Variants in ST7 observed in about 807,000 individuals in gnomAD.
ST7 encodes suppressor of tumorigenicity 7 protein.
A neutral mutation model predicts 78.7 loss-of-function variants in ST7; 28 were observed. The observed-to-expected ratio is 0.36, with a 90% CI of 0.26 to 0.49. The LOEUF (loss-of-function observed/expected upper bound fraction) is 0.49. ST7 is among the 20% of genes least tolerant of loss of function. The pLI is 0.99. For missense variants in ST7, 418 were observed against 696.0 expected (o/e 0.60, Z 4.49); for synonymous variants, 247 against 249.6 (o/e 0.99, Z 0.10).
chr7:117,184,702 G>A (rs1809084152), intron 10 of ST7, among the ~76,000 whole-genome samples: 1 of 152,172 alleles, frequency 6.6e-6, no homozygotes, highest in African/African-American at 2.4e-5. Flanking sequence ...ATATCTTGGT[G>A]TGTTTACATG....
At chr7:117,008,929 TG>T (rs1350649210) in intron 1 of ST7, among the ~76,000 whole-genome samples, 1 of 152,178 alleles carries the variant, frequency 6.6e-6, no homozygotes, top group East Asian at 1.9e-4. Context: ...GAATACGTCA[TG>T]ATATGTGAAC....
At chr7:117,228,999 T>A (rs1370157971) in intron 15 of ST7, among the ~76,000 whole-genome samples, 1 of 152,200 alleles carries the variant, frequency 6.6e-6, no homozygotes, top group Non-Finnish European at 1.5e-5. Flanking sequence ...AACTGATTCT[T>A]CACAAGAACA....
intron 1 of ST7, among the ~76,000 whole-genome samples, chr7:116,960,576 C>T (rs2116160294): frequency 6.6e-6 from 1 of 152,302 alleles, no homozygotes; most frequent in South Asian, 2.1e-4. Context: ...GAAAAATTTC[C>T]CAACCAAATC....
rs80169857 is a variant in ST7 at position 117,099,650 on chromosome 7, A to G, written c.152-112A>G. The G allele has an allele frequency of 4.4e-3, 3,210 of 725,488 alleles. 97 individuals carry two copies. The African/African-American group carries it at 0.053, about 12-fold the overall frequency. The allele number at this position is 725,488 out of a possible 1,614,324, so 44.9% of individuals were successfully genotyped here. A position where few individuals can be genotyped will look rare whatever the true frequency, so the allele number is the denominator to read the frequency against. ...GGATCTTACTATGGTTCTAAGAATT[A>G]TCATCATCAGAAATAAATGATTTTA... On this transcript the variant is annotated intron_variant, in intron 1 of 15. Transcript: ENST00000323984.
intron 1 of ST7, among the ~76,000 whole-genome samples, chr7:117,046,132 A>T (rs1563039105): frequency 1.3e-5 from 2 of 152,192 alleles, no homozygotes; most frequent in Non-Finnish European, 2.9e-5. Flanking sequence ...GGTATAAGGA[A>T]GAGTCAGACC....
intron 15 of ST7, among the ~76,000 whole-genome samples, chr7:117,226,601 A>G (rs1320639295): frequency 6.6e-6 from 1 of 152,218 alleles, no homozygotes; most frequent in Non-Finnish European, 1.5e-5. Context: ...ACCTCCAGAC[A>G]TTTTTTAAAA....
At chr7:117,221,378 A>C (rs886103875) in intron 14 of ST7, among the ~76,000 whole-genome samples, 1 of 152,128 alleles carries the variant, frequency 6.6e-6, no homozygotes, top group East Asian at 1.9e-4. Context: ...CTTGCTGGAT[A>C]TCTCTCTATG....
At chr7:116,961,293 A>G (rs763671394) in intron 1 of ST7, among the ~76,000 whole-genome samples, 2 of 152,048 alleles carry the variant, frequency 1.3e-5, no homozygotes, top group Admixed American at 6.6e-5. Flanking sequence ...TGCTTTGGCT[A>G]TTTGGGCTAT....
At chr7:117,198,127 A>G (rs1434523123) in intron 12 of ST7, among the ~76,000 whole-genome samples, 1 of 152,272 alleles carries the variant, frequency 6.6e-6, no homozygotes, top group Non-Finnish European at 1.5e-5. Flanking sequence ...GGAATAAAGT[A>G]TGGGAGGAGG....
intron 1 of ST7, among the ~76,000 whole-genome samples, chr7:117,058,701 A>G (rs1798191840): frequency 6.6e-6 from 1 of 152,148 alleles, no homozygotes; most frequent in Non-Finnish European, 1.5e-5. Context: ...TTCAACAACT[A>G]CTGTGTGATG....
intron 10 of ST7, among the ~76,000 whole-genome samples, chr7:117,179,318 C>T (rs1029041012): frequency 2.0e-5 from 3 of 152,206 alleles, no homozygotes; most frequent in Admixed American, 1.3e-4. Context: ...AAACACTGAG[C>T]GCCAACTATA....
At chr7:116,962,479 T>C (rs1017537397) in intron 1 of ST7, among the ~76,000 whole-genome samples, 1 of 152,200 alleles carries the variant, frequency 6.6e-6, no homozygotes. Flanking sequence ...TAATCACCAT[T>C]CTGACTGGTG....
At chr7:117,175,678 G>A (rs554129428) in intron 10 of ST7, among the ~76,000 whole-genome samples, 24 of 152,328 alleles carry the variant, frequency 1.6e-4, no homozygotes, top group African/African-American at 4.8e-4. Flanking sequence ...GAAAGGCTAA[G>A]TAACTTGCCC....
At chr7:117,225,848 T>C (rs760756294) in intron 15 of ST7, among the ~76,000 whole-genome samples, 1 of 152,192 alleles carries the variant, frequency 6.6e-6, no homozygotes. Context: ...CACTGGGAAA[T>C]AGTGGAAAGA....
intron 2 of ST7, among the ~76,000 whole-genome samples, chr7:117,108,152 G>C (rs1468250247): frequency 6.6e-6 from 1 of 151,960 alleles, no homozygotes; most frequent in Non-Finnish European, 1.5e-5. Context: ...TCTTGTTCAT[G>C]AAGTCTTTGC....
chr7:117,054,030 G>T (rs1013600904), intron 1 of ST7, among the ~76,000 whole-genome samples: 6 of 152,000 alleles, frequency 3.9e-5, no homozygotes, highest in Non-Finnish European at 8.8e-5. Flanking sequence ...TAGAGATGGG[G>T]TTTCACCATG....
In ST7 at chr7:117,097,908, A is replaced by ATTTTTTTTTTTT. The variant is rs751549285; in HGVS notation, c.152-1845_152-1834dup. On this transcript the variant is annotated intron_variant, in intron 1 of 15. Coordinates refer to ENST00000323984, the MANE Select transcript of ST7 (RefSeq NM_001369598.1). The stretch of plus-strand genomic sequence containing the variant: ...TATATATATATATATATATATATAT[A>ATTTTTTTTTTTT]TTTTTTTTTTTTTTTTTTTTGATGG... 2.3e-4 allele frequency among the ~76,000 whole-genome samples: 7 copies of ATTTTTTTTTTTT among 30,010 alleles called. 1 individual carries two copies. The highest frequency in any genetic ancestry group is 1.9e-3 in the South Asian group (1 of 534). The allele number at this position is 30,010 out of a possible 152,430, so 19.7% of individuals were successfully genotyped here. A position where few individuals can be genotyped will look rare whatever the true frequency, so the allele number is the denominator to read the frequency against.
intron 1 of ST7, among the ~76,000 whole-genome samples, chr7:117,039,598 T>G (rs1253205322): frequency 2.0e-5 from 3 of 152,010 alleles, no homozygotes; most frequent in Non-Finnish European, 2.9e-5. Flanking sequence ...AAAAAAAAAT[T>G]TTATCCAAAC....
At chr7:117,088,597 G>T (rs943647166) in intron 1 of ST7, among the ~76,000 whole-genome samples, 5 of 152,096 alleles carry the variant, frequency 3.3e-5, no homozygotes, top group Non-Finnish European at 7.4e-5. Flanking sequence ...ACGAATTGCC[G>T]TATTCAGCTT....
Sources: gnomAD v4.1 joint callset for allele counts (sites outside exome capture counted in the v4.1 genomes callset) on GRCh38, gnomAD v4.1.1 for gene constraint, MANE v1.5 for transcripts, NCBI Gene and HGNC (gene_info 2026-07-23, HGNC 2026-07-21) for gene names.